GLIS3: variants seen among roughly 807,000 people sequenced by gnomAD.
GLIS3 encodes GLIS family zinc finger 3, also known as zinc finger protein GLIS3.
A neutral mutation model predicts 78.6 loss-of-function variants in GLIS3; 53 were observed. The ratio of observed to expected loss-of-function variants is 0.67; its 90% CI spans 0.54 to 0.85. The LOEUF is 0.85. Ranked by LOEUF, GLIS3 falls within the 40% of genes least tolerant of loss-of-function variation. The pLI, the probability that GLIS3 is intolerant of heterozygous loss-of-function variation, is 0.00. For synonymous variants in GLIS3, 684 were observed against 509.9 expected (o/e 1.34, Z -4.60); for missense variants, 1,703 against 1,231.1 (o/e 1.38, Z -5.74).
At chr9:4,326,005 G>A (rs1383824698) in intron 2 of GLIS3, among the ~76,000 whole-genome samples, 1 of 152,086 alleles carries the variant, frequency 6.6e-6, no homozygotes, top group Non-Finnish European at 1.5e-5. Flanking sequence ...GAATGATGAT[G>A]AGAACACAAG....
chr9:4,047,772 C>G (rs1825373991), intron 4 of GLIS3, among the ~76,000 whole-genome samples: 1 of 152,180 alleles, frequency 6.6e-6, no homozygotes, highest in Admixed American at 6.5e-5. Flanking sequence ...CAGGAATGTT[C>G]TGGGAAAGAC....
chr9:4,331,408 A>C (rs1239613974), intron 2 of GLIS3, among the ~76,000 whole-genome samples: 1 of 152,124 alleles, frequency 6.6e-6, no homozygotes, highest in Non-Finnish European at 1.5e-5. Flanking sequence ...AAATAAGGTC[A>C]CATCCAAGGT....
the GLIS3 span, among the ~76,000 whole-genome samples, chr9:4,460,482 G>A: frequency 3.9e-5 from 6 of 152,274 alleles, no homozygotes; most frequent in African/African-American, 7.2e-5. Flanking sequence ...ATTCCTGTGC[G>A]CCATGAAGAT....
At chr9:4,229,072 G>A (rs1452972666) in intron 2 of GLIS3, among the ~76,000 whole-genome samples, 1 of 152,072 alleles carries the variant, frequency 6.6e-6, no homozygotes, top group Non-Finnish European at 1.5e-5. Flanking sequence ...TTAGTTGTTA[G>A]GTGTAAAAAA....
intron 4 of GLIS3, among the ~76,000 whole-genome samples, chr9:4,024,781 A>T (rs998606506): frequency 1.6e-4 from 25 of 152,138 alleles, no homozygotes; most frequent in Non-Finnish European, 2.8e-4. Flanking sequence ...ATCTTTCCCA[A>T]CTTCACCGAT....
chr9:4,175,559 G>A (rs1051282790), intron 2 of GLIS3, among the ~76,000 whole-genome samples: 5 of 152,152 alleles, frequency 3.3e-5, no homozygotes, highest in Non-Finnish European at 7.4e-5. Flanking sequence ...GTGGCTCACA[G>A]ACCCTGAAAA....
the GLIS3 span, among the ~76,000 whole-genome samples, chr9:4,461,026 C>CT: frequency 0.032 from 4,921 of 152,230 alleles, 114 homozygotes; most frequent in Middle Eastern, 0.068. Context: ...ACCAGTCTTA[C>CT]TTTTTTTCTG....
chr9:4,287,439 A>T (rs1431277978), intron 1 of GLIS3, among the ~76,000 whole-genome samples: 1 of 152,332 alleles, frequency 6.6e-6, no homozygotes, highest in African/African-American at 2.4e-5. Flanking sequence ...GTAAATCACT[A>T]AAGAAGGCCC....
intron 4 of GLIS3, among the ~76,000 whole-genome samples, chr9:4,013,290 G>A (rs1273246659): frequency 6.6e-6 from 1 of 152,130 alleles, no homozygotes; most frequent in Non-Finnish European, 1.5e-5. Context: ...GACAGCCTAT[G>A]AGCTTAAATA....
intron 2 of GLIS3, among the ~76,000 whole-genome samples, chr9:4,127,037 C>A (rs765249638): frequency 2.6e-5 from 4 of 152,098 alleles, no homozygotes; most frequent in Non-Finnish European, 5.9e-5. Context: ...CCTTTGTCAT[C>A]TTTTGTAACA....
At chr9:4,469,329 A>T in the GLIS3 span, among the ~76,000 whole-genome samples, 1 of 152,184 alleles carries the variant, frequency 6.6e-6, no homozygotes, top group South Asian at 2.1e-4. Context: ...TCAACAGAAT[A>T]TACATTCTTT....
chr9:4,399,886 T>C, the GLIS3 span, among the ~76,000 whole-genome samples: 1 of 152,206 alleles, frequency 6.6e-6, no homozygotes, highest in African/African-American at 2.4e-5. Flanking sequence ...GAAAAATATT[T>C]AAGCAGAGAA....
intron 8 of GLIS3, among the ~76,000 whole-genome samples, chr9:3,870,311 A>G (rs1427816215): frequency 6.6e-6 from 1 of 152,240 alleles, no homozygotes; most frequent in Non-Finnish European, 1.5e-5. Flanking sequence ...TTTGGAAACC[A>G]TACAAATACA....
intron 7 of GLIS3, among the ~76,000 whole-genome samples, chr9:3,897,570 CCT>C (rs1822950652): frequency 6.6e-6 from 1 of 152,058 alleles, no homozygotes; most frequent in East Asian, 1.9e-4. Context: ...GTCTCATCTC[CCT>C]GTGTCTCAAA....
chr9:3,860,236 C>A (rs1372041673), intron 8 of GLIS3, among the ~76,000 whole-genome samples: 3 of 113,424 alleles, frequency 2.6e-5, no homozygotes, highest in Middle Eastern at 8.9e-3. Flanking sequence ...GATAGTGACA[C>A]TGCACTCCAG....
intron 4 of GLIS3, among the ~76,000 whole-genome samples, chr9:4,114,259 T>C (rs1279302471): frequency 1.3e-5 from 2 of 152,106 alleles, no homozygotes; most frequent in East Asian, 3.9e-4. Context: ...TTGCACAGTC[T>C]TCAACTTGAT....
chr9:4,121,103 A>G (rs763127837), intron 3 of GLIS3, among the ~76,000 whole-genome samples: 3 of 152,214 alleles, frequency 2.0e-5, no homozygotes, highest in Non-Finnish European at 2.9e-5. Flanking sequence ...ATGAACAGAG[A>G]ACTCTCTTCT....
intron 2 of GLIS3, among the ~76,000 whole-genome samples, chr9:4,257,227 T>A (rs2129960005): frequency 6.6e-6 from 1 of 152,208 alleles, no homozygotes; most frequent in Non-Finnish European, 1.5e-5. Flanking sequence ...ATGCTAAGTA[T>A]AAGCCACACA....
At chr9:4,000,617 G>A (rs1029513758) in intron 4 of GLIS3, among the ~76,000 whole-genome samples, 3 of 152,126 alleles carry the variant, frequency 2.0e-5, no homozygotes, top group South Asian at 2.1e-4. Flanking sequence ...TTAGTCCTCT[G>A]CCTAAAAGCT....
Sources: gnomAD v4.1 joint callset for allele counts (sites outside exome capture counted in the v4.1 genomes callset) on GRCh38, gnomAD v4.1.1 for gene constraint, MANE v1.5 for transcripts, NCBI Gene and HGNC (gene_info 2026-07-23, HGNC 2026-07-21) for gene names.